Variants in ASCC3 observed in about 807,000 individuals in gnomAD.
The protein encoded by ASCC3 is activating signal cointegrator 1 complex subunit 3, also known as ASC-1 complex subunit P200.
In ASCC3, 158 loss-of-function variants were observed where a neutral mutation model predicts 256.3. That is an observed-to-expected ratio of 0.62 (90% CI 0.54 to 0.70). The LOEUF (loss-of-function observed/expected upper bound fraction) is 0.70, where lower values mean the gene tolerates loss of function less well. Among genes scored for constraint, ASCC3 ranks in the 30% least tolerant of loss-of-function variants. The pLI, the probability that ASCC3 is intolerant of heterozygous loss-of-function variation, is 0.00. For missense variants in ASCC3, 2,259 were observed against 2,626.0 expected (o/e 0.86, Z 3.05); for synonymous variants, 948 against 883.4 (o/e 1.07, Z -1.30).
At chr6:100,526,266 T>G (rs979396517) in intron 37 of ASCC3, among the ~76,000 whole-genome samples, 2 of 152,204 alleles carry the variant, frequency 1.3e-5, no homozygotes, top group Non-Finnish European at 2.9e-5. Context: ...ATTAAAGTTG[T>G]GATTAACATT....
intron 5 of ASCC3, among the ~76,000 whole-genome samples, chr6:100,802,128 C>G (rs963063011): frequency 6.6e-6 from 1 of 151,568 alleles, no homozygotes. Context: ...TCCTGTAAGG[C>G]TGAGTATAAC....
chr6:100,815,418 T>C (rs918592652), intron 4 of ASCC3, among the ~76,000 whole-genome samples: 1 of 151,906 alleles, frequency 6.6e-6, no homozygotes, highest in Non-Finnish European at 1.5e-5. Flanking sequence ...AAAAAACTAT[T>C]CTAAAATTCA....
chr6:100,684,834 T>TC (rs1290676376), intron 13 of ASCC3, among the ~76,000 whole-genome samples: 9 of 128,642 alleles, frequency 7.0e-5, no homozygotes, highest in African/African-American at 1.8e-4. Context: ...TGAGATGGAG[T>TC]CTCCCTCTGT....
At chr6:100,552,356 G>A (rs1769342536) in intron 36 of ASCC3, among the ~76,000 whole-genome samples, 1 of 151,818 alleles carries the variant, frequency 6.6e-6, no homozygotes. Flanking sequence ...AAAGAAACAA[G>A]ATTTTTAAAA....
intron 37 of ASCC3, chr6:100,530,308 A>T: frequency 4.9e-6 from 7 of 1,432,078 alleles, no homozygotes; most frequent in Non-Finnish European, 6.9e-6. Context: ...AGAAGGATAA[A>T]GTTTGTCAGT....
chr6:100,541,981 A>G (rs1174782051), intron 36 of ASCC3, among the ~76,000 whole-genome samples: 1 of 152,196 alleles, frequency 6.6e-6, no homozygotes, highest in Non-Finnish European at 1.5e-5. Context: ...AAAGACATCA[A>G]TAGACACTAT....
intron 36 of ASCC3, among the ~76,000 whole-genome samples, chr6:100,541,611 A>G (rs1248348681): frequency 6.6e-6 from 1 of 152,224 alleles, no homozygotes; most frequent in African/African-American, 2.4e-5. Context: ...ACAGCTTCCA[A>G]GTAAATTAAC....
At chr6:100,515,741 A>G (rs921492603) in intron 39 of ASCC3, among the ~76,000 whole-genome samples, 1 of 152,166 alleles carries the variant, frequency 6.6e-6, no homozygotes, top group African/African-American at 2.4e-5. Flanking sequence ...GCATTGCATG[A>G]AAATATACCC....
intron 3 of ASCC3, among the ~76,000 whole-genome samples, chr6:100,851,366 A>G (rs1772659276): frequency 6.6e-6 from 1 of 152,238 alleles, no homozygotes; most frequent in East Asian, 1.9e-4. Flanking sequence ...TAATTAACTT[A>G]AATATCCATT....
chr6:100,818,748 CAAAAAAAA>C (rs56668191), intron 4 of ASCC3, among the ~76,000 whole-genome samples: 10 of 58,104 alleles, frequency 1.7e-4, no homozygotes, highest in Non-Finnish European at 2.3e-4. Flanking sequence ...AGGCAAAAGC[CAAAAAAAA>C]AAAAAAAAAA....
intron 37 of ASCC3, among the ~76,000 whole-genome samples, chr6:100,533,353 T>C (rs1475643660): frequency 6.6e-6 from 1 of 152,204 alleles, no homozygotes. Flanking sequence ...TGATGGCATC[T>C]TAGAATTAAA....
At chr6:100,677,326 T>C (rs1308424021) in intron 14 of ASCC3, among the ~76,000 whole-genome samples, 1 of 146,262 alleles carries the variant, frequency 6.8e-6, no homozygotes, top group Non-Finnish European at 1.5e-5. Flanking sequence ...GAAATGTTCT[T>C]CTATTTTATT....
chr6:100,627,963 T>A lies in ASCC3; in HGVS notation c.4400A>T (p.Glu1467Val), dbSNP rs1774324425. Residue 1467 changes from glutamate (E) to valine (V), a missense_variant, in exon 28 of 42, where the codon GAG (glutamate) becomes GTG (valine). Glu to Val is a moderately radical substitution (Grantham distance 121, BLOSUM62 -2). Transcript: ENST00000369162. ...LLGEERGPVL[E>V]VIVSRTNFIS... ...AAAATTTGTTCGAGATACAATGACC[T>A]CTAGAACAGGGCCTCTTTCCTCCCC... 6.2e-7 allele frequency: 1 copy of A among 1,613,332 alleles called. No individual in the cohort carries two copies.
In ASCC3 at chr6:100,718,089, T is replaced by A; in HGVS notation, c.2065A>T (p.Lys689Ter). ...VPLGQTFLGI[K>*]CANKMQQLNN... ...TGAGTATTTACCTTATTTGCACATT[T>A]AATCCCCAAAAATGTCTGTCCAAGA... The change falls in exon 12 of 42, where the codon AAA becomes TAA. Residue 689 changes from lysine (K) to a stop codon, truncating the protein, a stop_gained. Coordinates refer to ENST00000369162, the MANE Select transcript of ASCC3 (RefSeq NM_006828.4). LOFTEE classifies it high-confidence loss of function. 1.2e-6 allele frequency: 2 copies of A among 1,613,392 alleles called. No individual in the cohort carries two copies. The highest frequency in any genetic ancestry group is 2.2e-5 in the South Asian group (2 of 91,056).
chr6:100,822,399 T>C (rs975666924), intron 4 of ASCC3, among the ~76,000 whole-genome samples: 1 of 151,996 alleles, frequency 6.6e-6, no homozygotes, highest in East Asian at 1.9e-4. Flanking sequence ...TAGCCAGCCA[T>C]GGTGGCATAT....
At chr6:100,591,218 C>T (rs940606625) in intron 34 of ASCC3, among the ~76,000 whole-genome samples, 1 of 151,776 alleles carries the variant, frequency 6.6e-6, no homozygotes, top group Non-Finnish European at 1.5e-5. Flanking sequence ...AAGTGAAAAA[C>T]CAAAATTATT....
At chr6:100,518,389 G>A (rs1167376185) in intron 37 of ASCC3, among the ~76,000 whole-genome samples, 1 of 151,986 alleles carries the variant, frequency 6.6e-6, no homozygotes, top group African/African-American at 2.4e-5. Flanking sequence ...GGGCAGCAGG[G>A]CTAGCTACAT....
At chr6:100,559,946 T>C (rs1769837045) in intron 36 of ASCC3, among the ~76,000 whole-genome samples, 1 of 152,102 alleles carries the variant, frequency 6.6e-6, no homozygotes, top group South Asian at 2.1e-4. Context: ...AACATATTGA[T>C]AGATCATATA....
chr6:100,538,748 C>T (rs1775291494), intron 37 of ASCC3, among the ~76,000 whole-genome samples: 1 of 151,822 alleles, frequency 6.6e-6, no homozygotes, highest in Admixed American at 6.6e-5. Flanking sequence ...AGGTTATTTC[C>T]AAGCCTTAAC....
Sources: gnomAD v4.1 joint callset for allele counts (sites outside exome capture counted in the v4.1 genomes callset) on GRCh38, gnomAD v4.1.1 for gene constraint, MANE v1.5 for transcripts, NCBI Gene and HGNC (gene_info 2026-07-23, HGNC 2026-07-21) for gene names.